The following GPR137B variants were observed in gnomAD, a reference collection of about 807,000 sequenced individuals.
The protein encoded by GPR137B is G protein-coupled receptor 137B, also known as integral membrane protein GPR137B.
Under a neutral mutation model 42.5 loss-of-function variants are expected in GPR137B, and 42 were observed. That is an observed-to-expected ratio of 0.99 (90% CI 0.77 to 1.28). The LOEUF is 1.28. GPR137B is among the 50% of genes most tolerant of loss of function. GPR137B has a pLI of 0.00. For synonymous variants in GPR137B, 218 were observed against 209.7 expected (o/e 1.04, Z -0.34); for missense variants, 487 against 493.9 (o/e 0.99, Z 0.13).
chr1:236,152,530 G>T (rs1184402357), intron 1 of GPR137B, among the ~76,000 whole-genome samples: 1 of 152,146 alleles, frequency 6.6e-6, no homozygotes, highest in Non-Finnish European at 1.5e-5. Context: ...GGCCGAGGCG[G>T]GTGGATCATC....
chr1:236,154,374 T>C (rs1661953348), intron 1 of GPR137B, among the ~76,000 whole-genome samples: 1 of 152,030 alleles, frequency 6.6e-6, no homozygotes, highest in African/African-American at 2.4e-5. Context: ...ACAGCATATA[T>C]TGTGTCTTCC....
At chr1:236,202,122 G>C (rs1663508666) in intron 5 of GPR137B, among the ~76,000 whole-genome samples, 1 of 152,082 alleles carries the variant, frequency 6.6e-6, no homozygotes, top group South Asian at 2.1e-4. Flanking sequence ...CCCAGCTATA[G>C]ATACCAGCAC....
chr1:236,165,448 C>T (rs1181423452), intron 1 of GPR137B, among the ~76,000 whole-genome samples: 1 of 152,198 alleles, frequency 6.6e-6, no homozygotes, highest in Non-Finnish European at 1.5e-5. Context: ...GTAAGTCATC[C>T]TTCCCTTTCA....
intron 1 of GPR137B, among the ~76,000 whole-genome samples, chr1:236,167,129 A>G (rs985113768): frequency 1.3e-5 from 2 of 152,224 alleles, no homozygotes; most frequent in Non-Finnish European, 2.9e-5. Context: ...TCATTGAAGT[A>G]TAATTGACAA....
intron 1 of GPR137B, among the ~76,000 whole-genome samples, chr1:236,151,178 A>G (rs982400097): frequency 6.6e-6 from 1 of 152,182 alleles, no homozygotes; most frequent in Non-Finnish European, 1.5e-5. Context: ...CTCTCAGTAC[A>G]GAAATAGCCC....
rs1661572605 is a variant in GPR137B, at chr1:236,143,034, C to G, written c.412C>G (p.Gln138Glu). 2 of 1,608,476 alleles carry G rather than the reference C, an allele frequency of 1.2e-6. No homozygotes were observed. Residue 138 changes from glutamine (Q) to glutamate (E), a missense_variant and splice_region_variant, in exon 1 of 7, where the codon CAG becomes GAG. Physicochemically the swap from Gln to Glu is conservative, Grantham distance 29. Coordinates refer to ENST00000366592, the MANE Select transcript of GPR137B (RefSeq NM_003272.4). ...CACGCTGATGAACTTGTACTTCACG[C>G]AGGTGAGTTTCAGAGAGGCTCCTGG... ...TLTLMNLYFT[Q>E]VIFKAKSKYS...
chr1:236,207,848 G>T, intron 6 of GPR137B, among the ~76,000 whole-genome samples: 1 of 152,114 alleles, frequency 6.6e-6, no homozygotes, highest in East Asian at 1.9e-4. Context: ...GTGCTCTAAA[G>T]AGTTCAGTAG....
intron 4 of GPR137B, among the ~76,000 whole-genome samples, chr1:236,182,823 G>A (rs1662921864): frequency 6.6e-6 from 1 of 151,828 alleles, no homozygotes; most frequent in Admixed American, 6.6e-5. Flanking sequence ...TATTTTTATG[G>A]GATATTTATG....
At chr1:236,176,875 C>CAG (rs138760054) in intron 2 of GPR137B, among the ~76,000 whole-genome samples, 56 of 152,200 alleles carry the variant, frequency 3.7e-4, no homozygotes, top group Admixed American at 7.8e-4. Flanking sequence ...AGGCATTGAT[C>CAG]AGATGGTCAC....
intron 2 of GPR137B, among the ~76,000 whole-genome samples, chr1:236,177,800 C>T (rs1662731774): frequency 6.6e-6 from 1 of 152,016 alleles, no homozygotes; most frequent in Admixed American, 6.6e-5. Flanking sequence ...AAGCTATCCA[C>T]CTGCCTTGGC....
chr1:236,201,196 TCTG>T (rs1663483164), intron 5 of GPR137B, among the ~76,000 whole-genome samples: 1 of 151,974 alleles, frequency 6.6e-6, no homozygotes, highest in African/African-American at 2.4e-5. Context: ...TCCTGAGAAA[TCTG>T]CTGTTAAACA....
At position 236,148,096 on chromosome 1, in the gene GPR137B, A is replaced by G. The variant is rs963414017; in HGVS notation, c.414+5060A>G. 4.6e-5 allele frequency among the ~76,000 whole-genome samples: 7 copies of G among 152,232 alleles called. No homozygotes were observed. In the East Asian group the frequency reaches 1.3e-3, roughly 29 times the overall value. Reference sequence around the variant, plus strand: ...GGCTTTGCACCAAGGCCTTTGACTCAGAGCCTGTTCTAAGCGCTGTGTCAA... The same window carrying G: ...GGCTTTGCACCAAGGCCTTTGACTCGGAGCCTGTTCTAAGCGCTGTGTCAA... On this transcript the variant is annotated intron_variant, in intron 1 of 6. Coordinates refer to ENST00000366592, the MANE Select transcript of GPR137B (RefSeq NM_003272.4).
intron 1 of GPR137B, among the ~76,000 whole-genome samples, chr1:236,162,017 C>G (rs1456946429): frequency 6.6e-6 from 1 of 152,122 alleles, no homozygotes; most frequent in African/African-American, 2.4e-5. Flanking sequence ...TTGGAGGGCT[C>G]AGAAGAAGAC....
At chr1:236,195,222 T>C (rs1275222210) in intron 5 of GPR137B, among the ~76,000 whole-genome samples, 18 of 145,754 alleles carry the variant, frequency 1.2e-4, no homozygotes. Flanking sequence ...TCACTAAAAT[T>C]CTTTTTTTTT....
rs760709112 is a variant in GPR137B at position 236,178,427 on chromosome 1, C to A, written c.478C>A (p.Leu160Met). 6.2e-7 allele frequency: 1 copy of A among 1,612,974 alleles called. No individual in the cohort carries two copies. The highest frequency in any genetic ancestry group is 1.1e-5 in the South Asian group (1 of 91,018). ...ELLKYRLPLYLASLFISLVFL... is the reference protein window; with the variant it reads ...ELLKYRLPLYMASLFISLVFL... The stretch of plus-strand genomic sequence containing the variant: ...CATGCCTTCCAGGTTGCCCCTCTAC[C>A]TGGCCTCCCTCTTCATCAGCCTTGT... Residue 160 changes from leucine (L) to methionine (M), a missense_variant, in exon 3 of 7, where the codon CTG (leucine) becomes ATG (methionine). By Grantham distance (15) the Leu-to-Met change is conservative. Coordinates refer to ENST00000366592, the MANE Select transcript of GPR137B (RefSeq NM_003272.4).
intron 1 of GPR137B, among the ~76,000 whole-genome samples, chr1:236,161,701 G>A (rs1662208046): frequency 6.6e-6 from 1 of 152,170 alleles, no homozygotes; most frequent in Non-Finnish European, 1.5e-5. Flanking sequence ...TGGTGAATAA[G>A]TCTCACAAGA....
intron 1 of GPR137B, among the ~76,000 whole-genome samples, chr1:236,159,953 G>GGGACATCTCCCAGCCGT (rs1468441710): frequency 6.6e-6 from 1 of 152,196 alleles, no homozygotes; most frequent in Admixed American, 6.5e-5. Context: ...CGGCCAGCTG[G>GGGACATCTCCCAGCCGT]GGACATCTCC....
chr1:236,177,898 C>T (rs1662733912), intron 2 of GPR137B, among the ~76,000 whole-genome samples: 1 of 151,818 alleles, frequency 6.6e-6, no homozygotes, highest in South Asian at 2.1e-4. Flanking sequence ...TCTCTGGACT[C>T]CACATCAATA....
chr1:236,148,028 CTG>C (rs1283329597), intron 1 of GPR137B, among the ~76,000 whole-genome samples: 3 of 152,218 alleles, frequency 2.0e-5, no homozygotes, highest in African/African-American at 7.2e-5. Flanking sequence ...TGGGGAACAG[CTG>C]AGCTTCTGCT....
Sources: allele counts gnomAD v4.1 joint callset (sites outside exome capture counted in the v4.1 genomes callset), GRCh38; gene constraint gnomAD v4.1.1; transcripts MANE v1.5; gene names NCBI Gene and HGNC (gene_info 2026-07-23, HGNC 2026-07-21).